The following CFDP1 variants were observed in gnomAD, a reference collection of about 807,000 sequenced individuals.
CFDP1 encodes heterochromatin-stabilizing protein CFDP1.
In CFDP1, 31 loss-of-function variants were observed where a neutral mutation model predicts 40.1. That is an observed-to-expected ratio of 0.77 (90% CI 0.58 to 1.04). The LOEUF (loss-of-function observed/expected upper bound fraction) is 1.04, where lower values mean the gene tolerates loss of function less well. CFDP1 is among the 50% of genes least tolerant of loss of function. CFDP1 has a pLI of 0.00. For missense variants in CFDP1, 423 were observed against 343.4 expected (o/e 1.23, Z -1.83); for synonymous variants, 167 against 120.0 (o/e 1.39, Z -2.56).
At chr16:75,413,401 G>C (rs2079179099) in intron 2 of CFDP1, among the ~76,000 whole-genome samples, 3 of 151,768 alleles carry the variant, frequency 2.0e-5, no homozygotes, top group Non-Finnish European at 4.4e-5. Context: ...ATCACAACAA[G>C]ATGAGAAAAT....
intron 5 of CFDP1, among the ~76,000 whole-genome samples, chr16:75,355,376 T>C (rs1360187928): frequency 6.6e-6 from 1 of 152,256 alleles, no homozygotes; most frequent in African/African-American, 2.4e-5. Flanking sequence ...GTCAATCCTC[T>C]CAAACCCTGC....
At chr16:75,304,544 G>C (rs1161858777) in intron 6 of CFDP1, among the ~76,000 whole-genome samples, 1 of 152,128 alleles carries the variant, frequency 6.6e-6, no homozygotes, top group Non-Finnish European at 1.5e-5. Flanking sequence ...TATCACACAG[G>C]CTATAGCCAA....
intron 5 of CFDP1, among the ~76,000 whole-genome samples, chr16:75,325,654 A>T (rs973605400): frequency 2.6e-5 from 4 of 152,212 alleles, no homozygotes; most frequent in African/African-American, 9.6e-5. Flanking sequence ...TAACCTAAGC[A>T]CCCGGCAGGG....
intron 4 of CFDP1, among the ~76,000 whole-genome samples, chr16:75,402,585 C>T (rs532503535): frequency 5.9e-5 from 9 of 152,236 alleles, no homozygotes; most frequent in Non-Finnish European, 1.3e-4. Flanking sequence ...CTACCTTACA[C>T]TTAGACCTAC....
intron 5 of CFDP1, among the ~76,000 whole-genome samples, chr16:75,318,236 ACT>A (rs949947009): frequency 2.0e-5 from 3 of 151,872 alleles, no homozygotes; most frequent in Middle Eastern, 3.2e-3. Flanking sequence ...GGAGCCACAC[ACT>A]CTCATGAACA....
chr16:75,331,128 T>A (rs1238157306), intron 5 of CFDP1, among the ~76,000 whole-genome samples: 2 of 152,172 alleles, frequency 1.3e-5, no homozygotes, highest in Non-Finnish European at 2.9e-5. Context: ...ATGCAGTTTG[T>A]GTCCCTCTCT....
At chr16:75,399,420 A>C (rs1290527579) in intron 4 of CFDP1, among the ~76,000 whole-genome samples, 1 of 152,244 alleles carries the variant, frequency 6.6e-6, no homozygotes, top group Non-Finnish European at 1.5e-5. Context: ...TAATCTGAAC[A>C]CATGCTTTAT....
chr16:75,427,880 T>C (rs914929794), intron 1 of CFDP1, among the ~76,000 whole-genome samples: 1 of 152,238 alleles, frequency 6.6e-6, no homozygotes, highest in South Asian at 2.1e-4. Flanking sequence ...GGTATATCCA[T>C]ATAATGGACT....
intron 5 of CFDP1, among the ~76,000 whole-genome samples, chr16:75,370,344 T>C (rs142443670): frequency 0.015 from 2,341 of 152,064 alleles, 57 homozygotes; most frequent in African/African-American, 0.052. Context: ...CCACTGACCT[T>C]GGCCTCCCAA....
chr16:75,428,219 A>G (rs1433115228), intron 1 of CFDP1, among the ~76,000 whole-genome samples: 2 of 152,082 alleles, frequency 1.3e-5, no homozygotes, highest in South Asian at 4.1e-4. Context: ...CAAAAATCAG[A>G]GAACAGTACA....
At chr16:75,371,601 A>C (rs1340556694) in intron 5 of CFDP1, among the ~76,000 whole-genome samples, 1 of 152,206 alleles carries the variant, frequency 6.6e-6, no homozygotes, top group Non-Finnish European at 1.5e-5. Context: ...AGGTTTATAT[A>C]TTTTAGTACA....
chr16:75,345,510 G>C (rs1302093865), intron 5 of CFDP1, among the ~76,000 whole-genome samples: 1 of 152,062 alleles, frequency 6.6e-6, no homozygotes, highest in African/African-American at 2.4e-5. Context: ...TGGTGGCTAT[G>C]CATCTGTAGT....
intron 4 of CFDP1, among the ~76,000 whole-genome samples, chr16:75,398,221 T>C (rs906119379): frequency 5.3e-5 from 8 of 152,250 alleles, no homozygotes; most frequent in African/African-American, 1.9e-4. Context: ...GACTGACACA[T>C]TTACATTTTG....
At chr16:75,374,822 T>A (rs2078779776) in intron 5 of CFDP1, among the ~76,000 whole-genome samples, 1 of 152,220 alleles carries the variant, frequency 6.6e-6, no homozygotes, top group African/African-American at 2.4e-5. Context: ...AATTGACTGC[T>A]TATTTTTTCT....
At chr16:75,308,018 G>C (rs1350078700) in intron 5 of CFDP1, among the ~76,000 whole-genome samples, 4 of 152,192 alleles carry the variant, frequency 2.6e-5, no homozygotes, top group African/African-American at 9.7e-5. Context: ...AGCTGCACTA[G>C]ATGGTTCTGG....
intron 1 of CFDP1, among the ~76,000 whole-genome samples, chr16:75,431,756 G>C (rs1464850621): frequency 2.0e-5 from 3 of 152,178 alleles, no homozygotes; most frequent in African/African-American, 7.2e-5. Context: ...TTTGGGATGA[G>C]GGGAAGGAGG....
At chr16:75,385,229 T>A (rs1019466153) in intron 5 of CFDP1, among the ~76,000 whole-genome samples, 4 of 152,150 alleles carry the variant, frequency 2.6e-5, no homozygotes, top group South Asian at 4.1e-4. Flanking sequence ...GAATGGAGAA[T>A]CTTGTGACTA....
chr16:75,354,396 G>C (rs1469796761), intron 5 of CFDP1, among the ~76,000 whole-genome samples: 1 of 152,168 alleles, frequency 6.6e-6, no homozygotes, highest in African/African-American at 2.4e-5. Context: ...AGAGATCACA[G>C]AGCGGGATAT....
chr16:75,339,835 G>C (rs941443481), intron 5 of CFDP1, among the ~76,000 whole-genome samples: 2 of 152,146 alleles, frequency 1.3e-5, no homozygotes. Context: ...GGTAGAAGCT[G>C]TTCTAGATAT....
Sources: allele counts gnomAD v4.1 joint callset (sites outside exome capture counted in the v4.1 genomes callset), GRCh38; gene constraint gnomAD v4.1.1; transcripts MANE v1.5; gene names NCBI Gene and HGNC (gene_info 2026-07-23, HGNC 2026-07-21).